The following GALNT13 variants were observed in gnomAD, a reference collection of about 807,000 sequenced individuals.
GALNT13 encodes UDP-GalNAc:polypeptide N-acetylgalactosaminyltransferase 13.
Under a neutral mutation model 64.2 loss-of-function variants are expected in GALNT13, and 28 were observed. The ratio of observed to expected loss-of-function variants is 0.44; its 90% CI spans 0.32 to 0.60. GALNT13 has a LOEUF of 0.60. GALNT13 is among the 20% of genes least tolerant of loss of function. The probability of loss-of-function intolerance (pLI) is 0.05; values close to 1 mark genes in which losing one functional copy is unlikely to be tolerated. For synonymous variants in GALNT13, 214 were observed against 224.6 expected, an observed-to-expected ratio of 0.95 and a Z score of 0.42; for missense variants, 577 against 669.8, an observed-to-expected ratio of 0.86 and a Z score of 1.53.
chr2:154,055,291 A>G (rs1165953872), intron 3 of GALNT13, among the ~76,000 whole-genome samples: 3 of 152,024 alleles, frequency 2.0e-5, no homozygotes. Context: ...TCCAACATGT[A>G]GTTCTTTTTT....
intron 2 of GALNT13, among the ~76,000 whole-genome samples, chr2:153,918,607 A>G (rs528214033): frequency 9.2e-5 from 14 of 152,146 alleles, no homozygotes; most frequent in Admixed American, 6.6e-5. Flanking sequence ...CTCCCCTTCT[A>G]TTGATGCCTC....
intron 11 of GALNT13, among the ~76,000 whole-genome samples, chr2:154,412,360 T>C (rs370066430): frequency 3.9e-5 from 6 of 151,928 alleles, no homozygotes; most frequent in African/African-American, 1.4e-4. Flanking sequence ...TTACCCTCCC[T>C]GGTTTTATTG....
the GALNT13 span, among the ~76,000 whole-genome samples, chr2:153,379,033 A>C: frequency 3.3e-5 from 5 of 152,142 alleles, no homozygotes; most frequent in African/African-American, 1.2e-4. Flanking sequence ...ATTTTGACCA[A>C]ATAGGACCCA....
At chr2:153,861,643 C>T in the GALNT13 span, among the ~76,000 whole-genome samples, 3 of 147,904 alleles carry the variant, frequency 2.0e-5, no homozygotes, top group Non-Finnish European at 3.0e-5. Context: ...CCTGGCTCAT[C>T]GCAACCTCTG....
intron 3 of GALNT13, among the ~76,000 whole-genome samples, chr2:153,990,323 GAT>G (rs1695080911): frequency 2.6e-5 from 4 of 152,012 alleles, no homozygotes; most frequent in African/African-American, 9.7e-5. Context: ...CAACAGAGAA[GAT>G]ATATTTGCCA....
chr2:153,267,169 T>C, the GALNT13 span, among the ~76,000 whole-genome samples: 5 of 151,824 alleles, frequency 3.3e-5, no homozygotes, highest in African/African-American at 1.2e-4. Context: ...GTGGGCTCCC[T>C]TGACCTTGGG....
At chr2:153,207,241 T>C in the GALNT13 span, among the ~76,000 whole-genome samples, 1 of 152,154 alleles carries the variant, frequency 6.6e-6, no homozygotes, top group Non-Finnish European at 1.5e-5. Context: ...ATCTGGATTA[T>C]GCTGATTGTC....
At chr2:153,661,431 C>T in the GALNT13 span, among the ~76,000 whole-genome samples, 1 of 152,120 alleles carries the variant, frequency 6.6e-6, no homozygotes, top group Non-Finnish European at 1.5e-5. Flanking sequence ...TTCACACCTG[C>T]CAAGGCATAT....
intron 2 of GALNT13, among the ~76,000 whole-genome samples, chr2:153,933,636 G>T (rs1467554027): frequency 6.6e-6 from 1 of 151,098 alleles, no homozygotes; most frequent in Non-Finnish European, 1.5e-5. Context: ...CATGTTGTTA[G>T]AGTAGCTTGT....
intron 4 of GALNT13, among the ~76,000 whole-genome samples, chr2:154,155,652 A>G (rs956088007): frequency 3.9e-5 from 6 of 152,066 alleles, no homozygotes; most frequent in Admixed American, 1.3e-4. Context: ...GCATCTGTCT[A>G]AAAATTCTCA....
chr2:153,327,464 C>T, the GALNT13 span, among the ~76,000 whole-genome samples: 1 of 152,014 alleles, frequency 6.6e-6, no homozygotes, highest in Non-Finnish European at 1.5e-5. Context: ...CACATAGTTT[C>T]ATAATTTTTG....
chr2:153,643,945 T>G, the GALNT13 span, among the ~76,000 whole-genome samples: 41 of 151,944 alleles, frequency 2.7e-4, no homozygotes, highest in Non-Finnish European at 5.4e-4. Context: ...ATAACAAGAA[T>G]CTGCAACAAT....
chr2:154,152,363 A>G (rs1343386532), intron 4 of GALNT13, among the ~76,000 whole-genome samples: 3 of 151,678 alleles, frequency 2.0e-5, no homozygotes, highest in African/African-American at 4.9e-5. Flanking sequence ...TGCCCTTAAC[A>G]TTTTTTCCTT....
chr2:154,157,550 G>A lies in GALNT13; in HGVS notation c.311+17045G>A, dbSNP rs534952689. Among the ~76,000 whole-genome samples, 4 of 152,272 alleles carry A rather than the reference G, an allele frequency of 2.6e-5. No homozygotes were observed. The South Asian group carries it at 8.3e-4, about 32-fold the overall frequency. On this transcript the variant is annotated intron_variant, in intron 4 of 12. Coordinates refer to ENST00000392825, the MANE Select transcript of GALNT13 (RefSeq NM_052917.4). ...TCGGTTATTCTTACCAGAATGCAAA[G>A]ATGCTGTTTATCCTCCCTTAAAAAC...
the GALNT13 span, among the ~76,000 whole-genome samples, chr2:153,284,899 T>C: frequency 2.6e-5 from 4 of 152,150 alleles, no homozygotes; most frequent in African/African-American, 4.8e-5. Flanking sequence ...TGTCCAATAA[T>C]AAACACACAC....
chr2:154,302,887 C>A (rs1693522970), intron 9 of GALNT13, among the ~76,000 whole-genome samples: 1 of 152,042 alleles, frequency 6.6e-6, no homozygotes. Context: ...TTAAAAGGTG[C>A]TAAACTCTCA....
intron 3 of GALNT13, among the ~76,000 whole-genome samples, chr2:153,977,574 G>A (rs1473001931): frequency 6.6e-6 from 1 of 152,106 alleles, no homozygotes; most frequent in South Asian, 2.1e-4. Flanking sequence ...TCCCTCCCAC[G>A]ACATGTGGGG....
rs908677284 is a variant in GALNT13 at position 154,028,165 on chromosome 2, A to G, written c.142+83526A>G. ...GATATGAACTAAAGGAAATGTTGACACTGTCCTAAATAATATTCTTTTTAT... is the reference window on the plus strand; with the variant it reads ...GATATGAACTAAAGGAAATGTTGACGCTGTCCTAAATAATATTCTTTTTAT... On this transcript the variant is annotated intron_variant, in intron 3 of 12. Coordinates refer to ENST00000392825, the MANE Select transcript of GALNT13 (RefSeq NM_052917.4). Among the ~76,000 whole-genome samples the G allele has an allele frequency of 2.0e-5, 3 of 152,266 alleles. No homozygotes were observed. In the East Asian group the frequency reaches 5.8e-4, roughly 29 times the overall value.
the GALNT13 span, among the ~76,000 whole-genome samples, chr2:153,128,084 C>T: frequency 6.6e-6 from 1 of 152,098 alleles, no homozygotes; most frequent in African/African-American, 2.4e-5. Flanking sequence ...GATTCCATGA[C>T]CCTGGATTCA....
Sources: allele counts gnomAD v4.1 joint callset (sites outside exome capture counted in the v4.1 genomes callset), GRCh38; gene constraint gnomAD v4.1.1; transcripts MANE v1.5; gene names NCBI Gene and HGNC (gene_info 2026-07-23, HGNC 2026-07-21).